MICU3: variants seen among roughly 807,000 people sequenced by gnomAD.
MICU3 encodes the protein calcium uptake protein 3, mitochondrial.
MICU3 carries 62 observed loss-of-function variants against 66.5 expected under a neutral mutation model. That is an observed-to-expected ratio of 0.93 (90% confidence interval 0.76 to 1.15). The LOEUF is 1.15. Among genes scored for constraint, MICU3 ranks in the 50% most tolerant of loss-of-function variants. The probability of loss-of-function intolerance (pLI) is 0.00; values close to 1 mark genes in which losing one functional copy is unlikely to be tolerated. For synonymous variants in MICU3, 308 were observed against 240.7 expected (o/e 1.28, Z -2.59); for missense variants, 779 against 664.4 (o/e 1.17, Z -1.90).
At chr8:17,102,021 C>T (rs1280990430) in intron 9 of MICU3, among the ~76,000 whole-genome samples, 1 of 151,852 alleles carries the variant, frequency 6.6e-6, no homozygotes, top group Non-Finnish European at 1.5e-5. Context: ...GTAATATCCT[C>T]GAGAGATTAA....
intron 4 of MICU3, among the ~76,000 whole-genome samples, chr8:17,079,237 A>G (rs1425337274): frequency 3.9e-5 from 6 of 152,140 alleles, no homozygotes; most frequent in African/African-American, 1.2e-4. Flanking sequence ...GGTAGCTACT[A>G]GCCGCATATG....
the MICU3 span, among the ~76,000 whole-genome samples, chr8:17,135,125 G>A: frequency 6.6e-6 from 1 of 150,808 alleles, no homozygotes; most frequent in Admixed American, 6.6e-5. Flanking sequence ...ATTTGGCCAG[G>A]CGCAGTGGCT....
intron 1 of MICU3, among the ~76,000 whole-genome samples, chr8:17,042,432 A>G (rs1814306669): frequency 6.6e-6 from 1 of 152,226 alleles, no homozygotes; most frequent in African/African-American, 2.4e-5. Context: ...TTGTCTATCT[A>G]GCATTAAAGA....
At chr8:17,129,776 A>G in the MICU3 span, among the ~76,000 whole-genome samples, 2 of 152,216 alleles carry the variant, frequency 1.3e-5, no homozygotes, top group African/African-American at 4.8e-5. Flanking sequence ...ATTTGAAGAA[A>G]TGTGTAAGAG....
chr8:17,034,987 C>T (rs1050050053), intron 1 of MICU3, among the ~76,000 whole-genome samples: 16 of 152,126 alleles, frequency 1.1e-4, no homozygotes, highest in African/African-American at 3.9e-4. Context: ...GAGAGGGACC[C>T]AGTGGGAGGT....
At chr8:17,095,529 A>C (rs1234206) in intron 8 of MICU3, among the ~76,000 whole-genome samples, 3 of 151,736 alleles carry the variant, frequency 2.0e-5, no homozygotes, top group South Asian at 2.1e-4. Flanking sequence ...ACAGTTTACT[A>C]TCTGTTCCTA....
At position 17,098,510 on chromosome 8, in the gene MICU3, T is replaced by G; in HGVS notation, c.941T>G (p.Leu314Arg). ...ELVSRSYWDT[L>R]RRNTSQALFS... ...GTCTCCAGAAGCTATTGGGATACAC[T>G]GAGACGTAACACAAGCCAAGCACTG... The change falls in exon 9 of 15, where the codon CTG becomes CGG. Residue 314 changes from leucine (L) to arginine (R), a missense_variant. Coordinates refer to ENST00000318063, the MANE Select transcript of MICU3 (RefSeq NM_181723.3). 6.2e-7 allele frequency: 1 copy of G among 1,611,884 alleles called. No homozygotes were observed. The highest frequency in any genetic ancestry group is 2.2e-5 in the East Asian group (1 of 44,808).
chr8:17,033,181 A>G (rs553296123), intron 1 of MICU3, among the ~76,000 whole-genome samples: 1 of 152,340 alleles, frequency 6.6e-6, no homozygotes, highest in South Asian at 2.1e-4. Flanking sequence ...AGAAATGATT[A>G]AGCTTAATGA....
chr8:17,101,239 T>C (rs1801229020), intron 9 of MICU3, among the ~76,000 whole-genome samples: 2 of 151,790 alleles, frequency 1.3e-5, no homozygotes. Context: ...TTTCTCCCTT[T>C]GTTATGAAAA....
chr8:17,039,876 G>T (rs1323480723), intron 1 of MICU3, among the ~76,000 whole-genome samples: 2 of 138,424 alleles, frequency 1.4e-5, no homozygotes, highest in South Asian at 2.4e-4. Flanking sequence ...GCTCATGAAG[G>T]TATCCATCAT....
intron 1 of MICU3, among the ~76,000 whole-genome samples, chr8:17,043,776 A>T (rs182544619): frequency 6.6e-5 from 10 of 152,348 alleles, no homozygotes; most frequent in Admixed American, 6.5e-4. Context: ...AAAGTCAAGT[A>T]AGAGTTTTGA....
At chr8:17,047,853 G>T (rs181806210) in intron 1 of MICU3, among the ~76,000 whole-genome samples, 1 of 152,276 alleles carries the variant, frequency 6.6e-6, no homozygotes, top group African/African-American at 2.4e-5. Flanking sequence ...ACATAAAAAG[G>T]GGTGAAATTC....
At chr8:17,037,035 A>C (rs939770634) in intron 1 of MICU3, among the ~76,000 whole-genome samples, 2 of 152,202 alleles carry the variant, frequency 1.3e-5, no homozygotes, top group Non-Finnish European at 2.9e-5. Context: ...GGGACCCAGT[A>C]CACCTTCCGC....
intron 1 of MICU3, chr8:17,049,643 A>G (rs752266212): frequency 1.9e-6 from 1 of 518,282 alleles, no homozygotes; most frequent in South Asian, 1.4e-5. Context: ...CAAAACCCAT[A>G]TACTTTCATT....
intron 8 of MICU3, among the ~76,000 whole-genome samples, chr8:17,091,490 G>A (rs1194527064): frequency 6.6e-6 from 1 of 152,050 alleles, no homozygotes; most frequent in Non-Finnish European, 1.5e-5. Flanking sequence ...TAGGTGTATT[G>A]TCTCCTGTAT....
At chr8:17,063,035 A>G (rs369684428) in intron 1 of MICU3, among the ~76,000 whole-genome samples, 7 of 152,212 alleles carry the variant, frequency 4.6e-5, no homozygotes, top group Non-Finnish European at 7.3e-5. Context: ...AACATTTTCT[A>G]TGGAATATTA....
the MICU3 span, among the ~76,000 whole-genome samples, chr8:17,134,431 T>G: frequency 1.1e-4 from 16 of 148,732 alleles, 1 homozygote; most frequent in South Asian, 3.2e-3. Context: ...AAAGTCAGCC[T>G]TTTGTTTGTT....
intron 1 of MICU3, 118 bp from the exon 2 acceptor site, chr8:17,063,966 C>T (rs1388189138): frequency 3.7e-5 from 22 of 596,576 alleles, no homozygotes; most frequent in Admixed American, 3.5e-4. Flanking sequence ...TTTCAGAAGA[C>T]GATATTTTCA....
chr8:17,064,827 G>A lies in MICU3; in HGVS notation c.535+590G>A, dbSNP rs117544514. ...GAAGAAAATCTACCTCACAGACATG[G>A]ACAGTAAAAAAAGGAGTATTTTAAT... is the stretch of plus-strand genomic sequence containing the variant. On this transcript the variant is annotated intron_variant, in intron 2 of 14. Coordinates refer to ENST00000318063, the MANE Select transcript of MICU3 (RefSeq NM_181723.3). 6.4e-3 allele frequency among the ~76,000 whole-genome samples: 975 copies of A among 152,126 alleles called. 7 individuals carry two copies. Among genetic ancestry groups the A allele is most frequent in the Middle Eastern group, 0.01 (3 of 294 alleles).
Sources: gnomAD v4.1 joint callset for allele counts (sites outside exome capture counted in the v4.1 genomes callset) on GRCh38, gnomAD v4.1.1 for gene constraint, MANE v1.5 for transcripts, NCBI Gene and HGNC (gene_info 2026-07-23, HGNC 2026-07-21) for gene names.